NUP98: variants seen among roughly 807,000 people sequenced by gnomAD.
NUP98 encodes the protein nucleoporin 98 and 96 precursor, also known as nuclear pore complex protein Nup98-Nup96.
NUP98 carries 26 observed loss-of-function variants against 191.9 expected under a neutral mutation model. The observed-to-expected ratio is 0.14, with a 90% CI of 0.10 to 0.19. The LOEUF is 0.19. Ranked by LOEUF, NUP98 falls within the 10% of genes least tolerant of loss-of-function variation. The pLI is 1.00. For missense variants in NUP98, 1,941 were observed against 2,178.8 expected (o/e 0.89, Z 2.17); for synonymous variants, 808 against 778.4 (o/e 1.04, Z -0.63).
chr11:3,723,028 C>T, intron 16 of NUP98, 129 bp downstream of exon 16: 1 of 777,680 alleles, frequency 1.3e-6, no homozygotes, highest in Non-Finnish European at 2.1e-6. Context: ...TTAAGCTCTC[C>T]TATGTGGGAT....
intron 12 of NUP98, among the ~76,000 whole-genome samples, chr11:3,735,700 T>C (rs1183503228): frequency 6.6e-6 from 1 of 151,430 alleles, no homozygotes; most frequent in Non-Finnish European, 1.5e-5. Context: ...AGAAACATTA[T>C]AGACTGGTTT....
At chr11:3,682,755 G>A (rs897917278) in intron 30 of NUP98, among the ~76,000 whole-genome samples, 4 of 152,188 alleles carry the variant, frequency 2.6e-5, no homozygotes, top group Non-Finnish European at 5.9e-5. Context: ...TGGAAAAATG[G>A]TGCTAATATA....
In NUP98 at chr11:3,779,244, G is replaced by A. The variant is rs2081865209; in HGVS notation, c.90C>T (p.Gly30=). The change falls in exon 3 of 33, where the codon GGC becomes GGT. Residue 30 remains glycine (G), a synonymous_variant. Transcript: ENST00000324932. ...TTCCAAATGCCCCTCCACTAGTAGT[G>A]CCAAAGCCAGTATCTGAAAAAGCAA... ...TSTFGQNTGF[G]TTSGGAFGTS... The A allele has an allele frequency of 1.2e-6, 2 of 1,613,836 alleles. No homozygotes were observed. Among genetic ancestry groups the A allele is most frequent in the East Asian group, 2.2e-5 (1 of 44,884 alleles).
At position 3,685,886 on chromosome 11, in the gene NUP98, G is replaced by A. The variant is rs1410974054; in HGVS notation, c.4676+87C>T. 3 of 1,014,758 alleles carry A rather than the reference G, an allele frequency of 3.0e-6. No individual in the cohort carries two copies. In the East Asian group the frequency reaches 7.2e-5, roughly 24 times the overall value. 62.9% of individuals were successfully genotyped at this position (1,014,758 alleles called of 1,614,324 possible). A position where few individuals can be genotyped will look rare whatever the true frequency, so the allele number is the denominator to read the frequency against. On this transcript the variant is annotated intron_variant, in intron 29 of 32. Transcript: ENST00000324932. Reference sequence around the variant, plus strand: ...TAACACACATTCTACACAATTACTTGCTAAACTGAACCCTGAAAGACTGAT... The same window carrying A: ...TAACACACATTCTACACAATTACTTACTAAACTGAACCCTGAAAGACTGAT...
At chr11:3,742,760 G>T (rs1394002266) in intron 12 of NUP98, among the ~76,000 whole-genome samples, 1 of 150,526 alleles carries the variant, frequency 6.6e-6, no homozygotes, top group Admixed American at 6.6e-5. Context: ...ATAGGGAAAG[G>T]TACTAATATC....
chr11:3,751,962 C>T (rs906512998), intron 11 of NUP98, among the ~76,000 whole-genome samples: 1 of 150,808 alleles, frequency 6.6e-6, no homozygotes, highest in South Asian at 2.1e-4. Context: ...AGGATCACGA[C>T]GTCAGGAGTT....
At chr11:3,683,096 C>T (rs1009101295) in intron 30 of NUP98, 104 bp downstream of exon 30, 1 of 1,496,542 alleles carries the variant, frequency 6.7e-7, no homozygotes. Context: ...TTCAAGATGG[C>T]CATGTCCTAC....
chr11:3,792,218 C>G (rs1161506843), intron 1 of NUP98, among the ~76,000 whole-genome samples: 1 of 138,574 alleles, frequency 7.2e-6, no homozygotes, highest in Non-Finnish European at 1.5e-5. Flanking sequence ...AACATGTATT[C>G]ACCACTATCA....
chr11:3,729,721 A>C (rs2079768584), intron 14 of NUP98, among the ~76,000 whole-genome samples: 1 of 119,756 alleles, frequency 8.4e-6, no homozygotes, highest in Non-Finnish European at 1.7e-5. Flanking sequence ...GCCTCAAAAA[A>C]AAAAAAAAAA....
At chr11:3,753,225 C>T in intron 11 of NUP98, 91 bp downstream of exon 11, 2 of 1,086,068 alleles carry the variant, frequency 1.8e-6, no homozygotes, top group Non-Finnish European at 1.4e-6. Context: ...CTTCTTAATT[C>T]CAGTAACATA....
intron 10 of NUP98, among the ~76,000 whole-genome samples, chr11:3,755,734 G>A (rs2080937934): frequency 6.6e-6 from 1 of 152,210 alleles, no homozygotes; most frequent in Admixed American, 6.5e-5. Context: ...GGAGGCCAAG[G>A]CAGGTGGATC....
intron 20 of NUP98, among the ~76,000 whole-genome samples, chr11:3,710,154 A>C (rs972748556): frequency 6.6e-6 from 1 of 152,116 alleles, no homozygotes; most frequent in Non-Finnish European, 1.5e-5. Context: ...CCCCATGCCA[A>C]ATCTGTGGAA....
At chr11:3,788,427 ACC>A (rs1159013746) in intron 1 of NUP98, among the ~76,000 whole-genome samples, 4 of 151,732 alleles carry the variant, frequency 2.6e-5, no homozygotes, top group African/African-American at 9.7e-5. Flanking sequence ...ACATGGTGAA[ACC>A]CCCTGTCTCT....
At chr11:3,692,942 G>A (rs2078365196) in intron 27 of NUP98, 1 of 279,246 alleles carries the variant, frequency 3.6e-6, no homozygotes, top group African/African-American at 2.2e-5. Flanking sequence ...TAAGTTTGAA[G>A]ATAAACCAAA....
At chr11:3,793,363 C>T (rs1035897294) in intron 1 of NUP98, among the ~76,000 whole-genome samples, 5 of 152,018 alleles carry the variant, frequency 3.3e-5, no homozygotes, top group Non-Finnish European at 7.4e-5. Context: ...AATCTGCGCT[C>T]ACTGCAACCT....
At chr11:3,685,866 C>T in intron 29 of NUP98, 107 bp downstream of exon 29, 1 of 827,438 alleles carries the variant, frequency 1.2e-6, no homozygotes, top group East Asian at 2.5e-5. Context: ...GGATCTAACA[C>T]ACATTCTACA....
intron 25 of NUP98, 58 bp downstream of exon 25, chr11:3,699,024 G>C: frequency 6.3e-7 from 1 of 1,585,980 alleles, no homozygotes; most frequent in Non-Finnish European, 8.6e-7. Context: ...GGGAGCGGTA[G>C]GAGGCAGTGA....
chr11:3,689,274 C>T (rs949009198), intron 28 of NUP98, among the ~76,000 whole-genome samples: 1 of 152,076 alleles, frequency 6.6e-6, no homozygotes, highest in African/African-American at 2.4e-5. Flanking sequence ...CGCCTGTAAT[C>T]CCAGCACTTT....
intron 30 of NUP98, among the ~76,000 whole-genome samples, chr11:3,681,330 C>T (rs189720257): frequency 3.2e-4 from 49 of 152,298 alleles, no homozygotes; most frequent in Middle Eastern, 3.4e-3. Flanking sequence ...TACGAGCCAC[C>T]GTGCCTGGCC....
Sources: allele counts gnomAD v4.1 joint callset (sites outside exome capture counted in the v4.1 genomes callset), GRCh38; gene constraint gnomAD v4.1.1; transcripts MANE v1.5; gene names NCBI Gene and HGNC (gene_info 2026-07-23, HGNC 2026-07-21).